KCTD20: variants seen among roughly 807,000 people sequenced by gnomAD.
The protein encoded by KCTD20 is BTB/POZ domain-containing protein KCTD20.
KCTD20 carries 30 observed loss-of-function variants against 39.6 expected under a neutral mutation model. That is an observed-to-expected ratio of 0.76 (90% CI 0.57 to 1.03). The LOEUF (loss-of-function observed/expected upper bound fraction) is 1.03. Among genes scored for constraint, KCTD20 ranks in the 50% least tolerant of loss-of-function variants. KCTD20 has a pLI of 0.00. For synonymous variants in KCTD20, 162 were observed against 180.6 expected (o/e 0.90, Z 0.83); for missense variants, 422 against 522.0 (o/e 0.81, Z 1.87).
intron 1 of KCTD20, chr6:36,465,502 G>A (rs527446760): frequency 3.5e-5 from 5 of 144,196 alleles, no homozygotes; most frequent in African/African-American, 1.3e-4. Context: ...AGGAGAAATT[G>A]CAAATAAGAA....
chr6:36,474,817 A>C lies in KCTD20; in HGVS notation c.189A>C (p.Pro63=). Residue 63 remains proline (P), a synonymous_variant, in exon 3 of 8, where the codon CCA becomes CCC. Transcript: ENST00000373731. ...EDLSLDYASQ[P]ANLQFPHIMP... is the part of the protein sequence containing the mutation. ...TCTCACTTGACTATGCCTCTCAGCCAGCAAATCTTCAGTTCCCTCACATAA... is the reference window on the plus strand; with the variant it reads ...TCTCACTTGACTATGCCTCTCAGCCCGCAAATCTTCAGTTCCCTCACATAA... 1.2e-6 allele frequency: 2 copies of C among 1,612,276 alleles called. No individual in the cohort carries two copies. The highest frequency in any genetic ancestry group is 1.7e-6 in the Non-Finnish European group (2 of 1,178,640).
chr6:36,476,362 C>G (rs911656870), intron 3 of KCTD20, among the ~76,000 whole-genome samples: 3 of 151,372 alleles, frequency 2.0e-5, no homozygotes, highest in African/African-American at 7.3e-5. Context: ...TTATTGAATT[C>G]TAGGCTAAAT....
At position 36,489,255 on chromosome 6, in the gene KCTD20, C is replaced by T. The variant is rs117232101; in HGVS notation, c.*2080C>T. On this transcript the variant is annotated 3_prime_UTR_variant, in exon 8 of 8. Transcript: ENST00000373731. ...TAAGTGTAAACCATGCCACAGCTAA[C>T]ACTTAAAAATGAAAACTAATTAGTT... 7.2e-5 allele frequency: 11 copies of T among 152,728 alleles called. No homozygotes were observed. The East Asian group carries it at 2.1e-3, about 29-fold the overall frequency. The allele number at this position is 152,728 out of a possible 1,614,324, so 9.5% of individuals were successfully genotyped here.
At chr6:36,479,426 A>T (rs1313654641) in intron 4 of KCTD20, among the ~76,000 whole-genome samples, 165 bp from the exon 5 acceptor site, 1 of 152,194 alleles carries the variant, frequency 6.6e-6, no homozygotes, top group African/African-American at 2.4e-5. Context: ...TTCTGGTTAA[A>T]CAAGTCAAGA....
intron 1 of KCTD20, chr6:36,443,706 A>G (rs370498710): frequency 1.3e-5 from 2 of 152,176 alleles, no homozygotes; most frequent in African/African-American, 2.4e-5. Flanking sequence ...TTTAAATAAA[A>G]CTTTGCTTTT....
chr6:36,453,593 C>T (rs1775336714), intron 1 of KCTD20, among the ~76,000 whole-genome samples: 1 of 151,534 alleles, frequency 6.6e-6, no homozygotes, highest in African/African-American at 2.4e-5. Flanking sequence ...TGGCCCACCG[C>T]AACCTCTGCC....
chr6:36,454,476 G>C (rs1775368136), intron 1 of KCTD20, among the ~76,000 whole-genome samples: 1 of 151,628 alleles, frequency 6.6e-6, no homozygotes, highest in Admixed American at 6.6e-5. Context: ...TGAGTAGCTG[G>C]GACTACAGAT....
At chr6:36,470,725 C>T (rs984109801) in intron 2 of KCTD20, among the ~76,000 whole-genome samples, 2 of 152,190 alleles carry the variant, frequency 1.3e-5, no homozygotes, top group African/African-American at 2.4e-5. Context: ...CTCAGCCTCA[C>T]GAGTTGCTGG....
In KCTD20 at chr6:36,484,739, A is replaced by C. The variant is rs760318952; in HGVS notation, c.882A>C (p.Arg294Ser). 3 of 1,599,726 alleles carry C rather than the reference A, an allele frequency of 1.9e-6. No homozygotes were observed. The Admixed American group carries it at 5.1e-5, about 27-fold the overall frequency. The change falls in exon 7 of 8, where the codon AGA (arginine) becomes AGC (serine). Residue 294 changes from arginine (R) to serine (S), a missense_variant. Transcript: ENST00000373731. ...SQILYSSKLY[R>S]FFKYIENRDV... The stretch of plus-strand genomic sequence containing the variant: ...TTCTTTATAGCTCCAAGCTCTACAG[A>C]TTCTTCAAATATATTGAGAATAGGG...
intron 1 of KCTD20, among the ~76,000 whole-genome samples, chr6:36,450,196 T>C (rs1775203643): frequency 7.2e-6 from 1 of 139,038 alleles, no homozygotes; most frequent in African/African-American, 2.7e-5. Context: ...AAAAAGAAGT[T>C]ATGTATTGGG....
chr6:36,481,930 G>C (rs1776263379), intron 6 of KCTD20, among the ~76,000 whole-genome samples, 171 bp downstream of exon 6: 1 of 152,208 alleles, frequency 6.6e-6, no homozygotes, highest in Non-Finnish European at 1.5e-5. Context: ...GGGGAACACA[G>C]TGAATGTTGT....
chr6:36,453,257 C>T (rs920247046), intron 1 of KCTD20, among the ~76,000 whole-genome samples: 1 of 151,764 alleles, frequency 6.6e-6, no homozygotes, highest in African/African-American at 2.4e-5. Context: ...AGTGATCCAC[C>T]CGCCTTGGCC....
chr6:36,485,780 C>T (rs1388849131), intron 7 of KCTD20, among the ~76,000 whole-genome samples: 1 of 152,116 alleles, frequency 6.6e-6, no homozygotes, highest in East Asian at 1.9e-4. Flanking sequence ...ATGTGAGCCA[C>T]GGCGCCTGGC....
chr6:36,487,190 C>A lies in KCTD20; in HGVS notation c.*15C>A. ...TTCAGGATTAGGGCCAGCTGTGGGT[C>A]TACTCCTTGTTGGAGCCCATCTCAC... On this transcript the variant is annotated 3_prime_UTR_variant, in exon 8 of 8. Transcript: ENST00000373731. The A allele has an allele frequency of 1.2e-6, 2 of 1,600,880 alleles. No individual in the cohort carries two copies. The highest frequency in any genetic ancestry group is 1.1e-5 in the South Asian group (1 of 88,992).
intron 1 of KCTD20, chr6:36,452,494 G>A (rs1775284028): frequency 6.7e-6 from 1 of 150,242 alleles, no homozygotes; most frequent in Non-Finnish European, 1.5e-5. Flanking sequence ...GATGTGTACT[G>A]ATAGTCTTTT....
intron 3 of KCTD20, among the ~76,000 whole-genome samples, chr6:36,476,595 A>G (rs1259147001): frequency 2.0e-5 from 3 of 151,706 alleles, no homozygotes; most frequent in Non-Finnish European, 1.5e-5. Context: ...ACACCCGGCA[A>G]ATTTTTGTAT....
intron 2 of KCTD20, among the ~76,000 whole-genome samples, chr6:36,474,061 G>GTTTTGTTTTGT: frequency 6.6e-6 from 1 of 151,498 alleles, no homozygotes; most frequent in South Asian, 2.1e-4. Flanking sequence ...ATAAAATTTT[G>GTTTTGTTTTGT]TTTTGTTTTG....
intron 1 of KCTD20, among the ~76,000 whole-genome samples, chr6:36,448,015 G>A (rs6927374): frequency 0.73 from 94,233 of 128,448 alleles, 35,235 homozygotes; most frequent in Middle Eastern, 0.83. Context: ...ATGTGTGTGT[G>A]TATATATATA....
At chr6:36,451,577 C>T (rs192130628) in intron 1 of KCTD20, 2 of 152,308 alleles carry the variant, frequency 1.3e-5, no homozygotes, top group Non-Finnish European at 2.9e-5. Flanking sequence ...CAGCTTTGAC[C>T]TCCGGGCTTA....
Sources: allele counts gnomAD v4.1 joint callset (sites outside exome capture counted in the v4.1 genomes callset), GRCh38; gene constraint gnomAD v4.1.1; transcripts MANE v1.5; gene names NCBI Gene and HGNC (gene_info 2026-07-23, HGNC 2026-07-21).